Variants in ACYP1 observed in about 807,000 individuals in gnomAD.
ACYP1 encodes the protein acylphosphatase-1.
A neutral mutation model predicts 10.4 loss-of-function variants in ACYP1; 8 were observed. That is an observed-to-expected ratio of 0.77 (90% confidence interval 0.45 to 1.38). The LOEUF (loss-of-function observed/expected upper bound fraction) is 1.38, where lower values mean the gene tolerates loss of function less well. ACYP1 is among the 40% of genes most tolerant of loss of function. ACYP1 has a pLI of 0.00. For synonymous variants in ACYP1, 38 were observed against 40.8 expected (o/e 0.93, Z 0.26); for missense variants, 93 against 117.3 (o/e 0.79, Z 0.96).
Position 75,054,307 on chromosome 14 carries a change from T to C in ACYP1, c.85-648A>G, listed in dbSNP as rs1040998624. On this transcript the variant is annotated intron_variant, in intron 2 of 2. Transcript: ENST00000238618. ...TGTTCAGCCTCTCAACAGCAAACCA[T>C]GAGACTACATAACTATCAGGTTTTC... Among the ~76,000 whole-genome samples, 5 of 146,158 alleles carry C rather than the reference T, an allele frequency of 3.4e-5. 1 individual carries two copies. Among genetic ancestry groups the C allele is most frequent in the African/African-American group, 1.3e-4 (5 of 37,426 alleles).
At chr14:75,065,231 C>T (rs574679846), upstream of ACYP1, among the ~76,000 whole-genome samples, 1 of 152,208 alleles carries the variant, frequency 6.6e-6, no homozygotes, top group African/African-American at 2.4e-5. Context: ...TGTGGATTGA[C>T]TGTATACATT....
intron 1 of ACYP1, chr14:75,069,066 C>G: frequency 2.4e-6 from 2 of 838,932 alleles, no homozygotes; most frequent in South Asian, 3.7e-5. Flanking sequence ...GCTAGAATTA[C>G]CACGTGAGTA....
chr14:75,055,622 AT>A (rs1191985779), intron 2 of ACYP1, among the ~76,000 whole-genome samples: 1 of 151,514 alleles, frequency 6.6e-6, no homozygotes, highest in Non-Finnish European at 1.5e-5. Context: ...TGCTTAAACA[AT>A]CATCTGACAA....
chr14:75,058,645 TC>T (rs777030567), intron 2 of ACYP1, among the ~76,000 whole-genome samples: 2 of 151,220 alleles, frequency 1.3e-5, no homozygotes, highest in Admixed American at 1.3e-4. Context: ...GGGACAAACA[TC>T]TCAACTACAG....
chr14:75,054,207 A>G (rs1418069445), intron 2 of ACYP1, among the ~76,000 whole-genome samples: 2 of 152,200 alleles, frequency 1.3e-5, no homozygotes, highest in African/African-American at 4.8e-5. Context: ...ACTGTAGTGA[A>G]ACTGTCTAAC....
chr14:75,061,552 C>G (rs1459045791), intron 2 of ACYP1: 4 of 457,704 alleles, frequency 8.7e-6, no homozygotes, highest in Non-Finnish European at 1.5e-5. Flanking sequence ...CTGTTATTCT[C>G]TCTTTAAACT....
At chr14:75,057,995 C>T (rs1892924240) in intron 2 of ACYP1, among the ~76,000 whole-genome samples, 1 of 84,596 alleles carries the variant, frequency 1.2e-5, no homozygotes, top group South Asian at 4.3e-4. Flanking sequence ...AAAAGAACTA[C>T]CTGCTGAGGC....
chr14:75,064,713 A>G (rs1207147704), upstream of ACYP1, among the ~76,000 whole-genome samples: 2 of 152,204 alleles, frequency 1.3e-5, no homozygotes, highest in African/African-American at 2.4e-5. Flanking sequence ...CAGCCTGGGC[A>G]ACAGAGGGAG....
At chr14:75,059,176 TAA>T (rs71119344) in intron 2 of ACYP1, among the ~76,000 whole-genome samples, 3 of 97,372 alleles carry the variant, frequency 3.1e-5, no homozygotes, top group Admixed American at 1.3e-4. Context: ...GACTCTGTCT[TAA>T]AAAAAAAAAA....
intron 2 of ACYP1, among the ~76,000 whole-genome samples, chr14:75,057,091 G>A (rs1302857170): frequency 2.0e-5 from 3 of 151,642 alleles, no homozygotes. Context: ...GACATATCTT[G>A]TATACAAAAA....
At position 75,053,319 on chromosome 14, in the gene ACYP1, A is replaced by G; in HGVS notation, c.*125T>C. 1.2e-6 allele frequency: 1 copy of G among 841,504 alleles called. No individual in the cohort carries two copies. Among genetic ancestry groups the G allele is most frequent in the East Asian group, 2.5e-5 (1 of 40,166 alleles). The allele number at this position is 841,504 out of a possible 1,614,324, so 52.1% of individuals were successfully genotyped here. On this transcript the variant is annotated 3_prime_UTR_variant, in exon 3 of 3. Coordinates refer to ENST00000238618, the MANE Select transcript of ACYP1 (RefSeq NM_001107.5). ...CATCATACAGGTAATATATAATAAC[A>G]TTCAAAAATCTGACATTAAAATAAC... is the stretch of plus-strand genomic sequence containing the variant.
chr14:75,059,065 T>G lies in ACYP1; in HGVS notation c.84+4405A>C, dbSNP rs535265719. Among the ~76,000 whole-genome samples, 12 of 148,074 alleles carry G rather than the reference T, an allele frequency of 8.1e-5. No homozygotes were observed. In the South Asian group the frequency reaches 2.5e-3, roughly 31 times the overall value. On this transcript the variant is annotated intron_variant, in intron 2 of 2. Coordinates refer to ENST00000238618, the MANE Select transcript of ACYP1 (RefSeq NM_001107.5). ...ATGCAAAAATTAGTTGGGCGTGATA[T>G]AGCACACCTGTAATCTCAGCTACTC...
chr14:75,064,606 C>T (rs1893111610), upstream of ACYP1, among the ~76,000 whole-genome samples: 2 of 152,046 alleles, frequency 1.3e-5, no homozygotes, highest in South Asian at 4.1e-4. Flanking sequence ...TGGTGGCGGG[C>T]GCCTGTAATC....
chr14:75,056,814 T>C (rs1002886086), intron 2 of ACYP1, among the ~76,000 whole-genome samples: 1 of 151,538 alleles, frequency 6.6e-6, no homozygotes. Context: ...CAAAAACCAA[T>C]ACCTCTTTTA....
chr14:75,063,616 A>G, intron 1 of ACYP1, 55 bp from the exon 2 acceptor site: 1 of 1,472,916 alleles, frequency 6.8e-7, no homozygotes, highest in Non-Finnish European at 9.4e-7. Flanking sequence ...AGGACCCGCA[A>G]GCCTGAGTCA....
chr14:75,066,215 T>C (rs1893139828), upstream of ACYP1, among the ~76,000 whole-genome samples: 1 of 152,224 alleles, frequency 6.6e-6, no homozygotes, highest in Non-Finnish European at 1.5e-5. Flanking sequence ...ATTTCAACTT[T>C]ATTCTATAGG....
chr14:75,068,712 TAA>T (rs759409132), upstream of ACYP1, among the ~76,000 whole-genome samples: 9 of 138,266 alleles, frequency 6.5e-5, no homozygotes, highest in Admixed American at 1.4e-4. Context: ...AACGAGGAAT[TAA>T]AAAAAAAAAA....
rs553382489 is a variant in ACYP1, at chr14:75,053,702, A to G, written c.85-43T>C. ...AGAGAGAGATCCAGTGAGATTGAAG[A>G]AAACAAGGTAAGACTACAATCTGTT... On this transcript the variant is annotated intron_variant, in intron 2 of 2. Coordinates refer to ENST00000238618, the MANE Select transcript of ACYP1 (RefSeq NM_001107.5). 8 of 1,572,230 alleles carry G rather than the reference A, an allele frequency of 5.1e-6. No homozygotes were observed. The South Asian group carries it at 9.0e-5, about 18-fold the overall frequency.
At chr14:75,059,024 C>G (rs192052889) in intron 2 of ACYP1, among the ~76,000 whole-genome samples, 2 of 151,518 alleles carry the variant, frequency 1.3e-5, no homozygotes, top group African/African-American at 4.8e-5. Flanking sequence ...ATGGTGAAAC[C>G]CCGTCGCTAC....
Sources: allele counts gnomAD v4.1 joint callset (sites outside exome capture counted in the v4.1 genomes callset), GRCh38; gene constraint gnomAD v4.1.1; transcripts MANE v1.5; gene names NCBI Gene and HGNC (gene_info 2026-07-23, HGNC 2026-07-21).